Variants in L3HYPDH observed in about 807,000 individuals in gnomAD.
L3HYPDH encodes trans-L-3-hydroxyproline dehydratase.
In L3HYPDH, 32 loss-of-function variants were observed where a neutral mutation model predicts 26.5. The ratio of observed to expected loss-of-function variants is 1.21; its 90% CI spans 0.91 to 1.62. The LOEUF is 1.62. L3HYPDH is among the 40% of genes most tolerant of loss of function. The pLI, the probability that L3HYPDH is intolerant of heterozygous loss-of-function variation, is 0.00. For missense variants in L3HYPDH, 554 were observed against 476.4 expected, an observed-to-expected ratio of 1.16 and a Z score of -1.52; for synonymous variants, 215 against 196.6, an observed-to-expected ratio of 1.09 and a Z score of -0.78.
At chr14:59,481,015 A>G (rs1253101) in intron 1 of L3HYPDH, among the ~76,000 whole-genome samples, 12,584 of 152,176 alleles carry the variant, frequency 0.083, 685 homozygotes, top group African/African-American at 0.16. Context: ...CAATCCCGGG[A>G]CCAGGATGAA....
chr14:59,493,924 G>A, the L3HYPDH span, among the ~76,000 whole-genome samples: 1 of 152,276 alleles, frequency 6.6e-6, no homozygotes, highest in South Asian at 2.1e-4. Context: ...TGAAAGAAGT[G>A]CCATGGCAAA....
chr14:59,488,800 G>A (rs771665998), upstream of L3HYPDH, among the ~76,000 whole-genome samples: 7 of 152,096 alleles, frequency 4.6e-5, no homozygotes, highest in Admixed American at 1.3e-4. Flanking sequence ...CTCTTCATCT[G>A]ACTGCAACTT....
upstream of L3HYPDH, chr14:59,484,535 G>A (rs1890345093): frequency 2.6e-6 from 4 of 1,558,892 alleles, no homozygotes; most frequent in Non-Finnish European, 2.6e-6. Flanking sequence ...GATGTTCGGT[G>A]CAGCTGCCAG....
At chr14:59,494,592 G>T in the L3HYPDH span, among the ~76,000 whole-genome samples, 5 of 152,340 alleles carry the variant, frequency 3.3e-5, no homozygotes, top group South Asian at 8.3e-4. Context: ...CTCTAAGGGA[G>T]AGACAGAGGT....
chr14:59,505,217 T>C, the L3HYPDH span: 7 of 1,314,768 alleles, frequency 5.3e-6, no homozygotes, highest in Non-Finnish European at 7.2e-6. Context: ...TCTTTTGAAT[T>C]CACAGCAGTT....
chr14:59,500,408 C>T, the L3HYPDH span, among the ~76,000 whole-genome samples: 1 of 151,970 alleles, frequency 6.6e-6, no homozygotes, highest in African/African-American at 2.4e-5. Flanking sequence ...CTCAATTTGT[C>T]CATTTATTTT....
At chr14:59,496,715 T>A in the L3HYPDH span, among the ~76,000 whole-genome samples, 2 of 152,308 alleles carry the variant, frequency 1.3e-5, no homozygotes, top group Admixed American at 6.5e-5. Flanking sequence ...ATCACACAGC[T>A]TCATTGATTA....
Position 59,473,792 on chromosome 14 carries a change from C to T in L3HYPDH, c.940-702G>A, listed in dbSNP as rs145069011. ...GATGAAATTGCCCAGCAGCATCAAA[C>T]TGTAGAAGAGATGAGAAGGAAGGTG... On this transcript the variant is annotated intron_variant, in intron 4 of 4. Coordinates refer to ENST00000247194, the MANE Select transcript of L3HYPDH (RefSeq NM_144581.2). Among the ~76,000 whole-genome samples the T allele has an allele frequency of 7.2e-5, 11 of 152,092 alleles. No homozygotes were observed. The East Asian group carries it at 1.7e-3, about 24-fold the overall frequency.
intron 4 of L3HYPDH, among the ~76,000 whole-genome samples, chr14:59,473,458 T>C (rs1889409814): frequency 1.3e-5 from 2 of 152,118 alleles, no homozygotes; most frequent in Non-Finnish European, 1.5e-5. Flanking sequence ...GATCAATGCA[T>C]GTGGGAATTG....
intron 2 of L3HYPDH, 77 bp from the exon 3 acceptor site, chr14:59,476,291 C>A: frequency 9.2e-7 from 1 of 1,089,102 alleles, no homozygotes; most frequent in South Asian, 1.6e-5. Flanking sequence ...ATGGGTCATT[C>A]TTAGACATAA....
upstream of L3HYPDH, among the ~76,000 whole-genome samples, chr14:59,488,972 GC>G (rs1890787934): frequency 6.6e-6 from 1 of 152,254 alleles, no homozygotes. Flanking sequence ...AGGCCTCTGG[GC>G]CTGTGGTCGG....
At chr14:59,491,691 T>C in the L3HYPDH span, among the ~76,000 whole-genome samples, 1 of 152,196 alleles carries the variant, frequency 6.6e-6, no homozygotes, top group African/African-American at 2.4e-5. Context: ...ACATTGCTGG[T>C]CCCAGCTGGA....
upstream of L3HYPDH, chr14:59,484,417 A>G (rs561344742): frequency 1.4e-5 from 20 of 1,390,340 alleles, no homozygotes; most frequent in Non-Finnish European, 1.9e-5. Flanking sequence ...CTAACCAGCC[A>G]CGTCCGGGGG....
chr14:59,493,717 C>T, the L3HYPDH span, among the ~76,000 whole-genome samples: 10 of 152,094 alleles, frequency 6.6e-5, no homozygotes, highest in African/African-American at 2.2e-4. Flanking sequence ...TTTATCTGAG[C>T]ACTTGACAAG....
At chr14:59,489,529 G>A in the L3HYPDH span, among the ~76,000 whole-genome samples, 1 of 152,148 alleles carries the variant, frequency 6.6e-6, no homozygotes, top group Non-Finnish European at 1.5e-5. Context: ...GATGTTCCAC[G>A]CTTTCCCTCA....
At chr14:59,481,505 T>C (rs915225188) in intron 1 of L3HYPDH, among the ~76,000 whole-genome samples, 2 of 152,204 alleles carry the variant, frequency 1.3e-5, no homozygotes, top group African/African-American at 4.8e-5. Context: ...ACAACCTCTA[T>C]CCAGAACACA....
the L3HYPDH span, among the ~76,000 whole-genome samples, chr14:59,497,738 C>T: frequency 2.0e-5 from 3 of 151,986 alleles, no homozygotes; most frequent in African/African-American, 7.3e-5. Context: ...AAAATTATCA[C>T]CCAAGAGATC....
upstream of L3HYPDH, chr14:59,487,689 CAG>C: frequency 5.6e-6 from 9 of 1,612,770 alleles, no homozygotes; most frequent in Non-Finnish European, 7.6e-6. Flanking sequence ...CCCAAGAGGA[CAG>C]AGAACGAATG....
the L3HYPDH span, among the ~76,000 whole-genome samples, chr14:59,499,229 T>C: frequency 6.6e-6 from 1 of 151,918 alleles, no homozygotes; most frequent in Non-Finnish European, 1.5e-5. Flanking sequence ...GGTTTCACCA[T>C]GTTGGCCACA....
Sources: allele counts gnomAD v4.1 joint callset (sites outside exome capture counted in the v4.1 genomes callset), GRCh38; gene constraint gnomAD v4.1.1; transcripts MANE v1.5; gene names NCBI Gene and HGNC (gene_info 2026-07-23, HGNC 2026-07-21).